Variants in NRF1 observed in about 807,000 individuals in gnomAD.
NRF1 encodes alpha palindromic-binding protein.
NRF1 carries 5 observed loss-of-function variants against 58.5 expected under a neutral mutation model. The ratio of observed to expected loss-of-function variants is 0.09; its 90% CI spans 0.04 to 0.18. The LOEUF (loss-of-function observed/expected upper bound fraction) is 0.18. Among genes scored for constraint, NRF1 ranks in the 10% least tolerant of loss-of-function variants. NRF1 has a pLI of 1.00. For synonymous variants in NRF1, 224 were observed against 246.7 expected (o/e 0.91, Z 0.86); for missense variants, 288 against 657.7 (o/e 0.44, Z 6.15).
At chr7:129,613,610 C>T (rs764250629) in intron 1 of NRF1, among the ~76,000 whole-genome samples, 1 of 151,946 alleles carries the variant, frequency 6.6e-6, no homozygotes, top group East Asian at 1.9e-4. Flanking sequence ...TAAGAAAACT[C>T]TTTACGGCCG....
In NRF1 at chr7:129,704,655, T is replaced by C. The variant is rs186451322; in HGVS notation, c.607-4420T>C. 6.5e-3 allele frequency among the ~76,000 whole-genome samples: 989 copies of C among 152,314 alleles called. 15 individuals are homozygous for C. The highest frequency in any genetic ancestry group is 0.023 in the African/African-American group (955 of 41,566). The stretch of plus-strand genomic sequence containing the variant: ...AGATATCTTGGGGATAGGACCACAA[T>C]CTAAACACAGAATTTATTTGTGTTT... On this transcript the variant is annotated intron_variant, in intron 5 of 10. Transcript: ENST00000393232.
intron 4 of NRF1, among the ~76,000 whole-genome samples, chr7:129,688,610 A>C (rs1287831825): frequency 6.6e-6 from 1 of 152,176 alleles, no homozygotes; most frequent in Admixed American, 6.6e-5. Flanking sequence ...ACAGTTCCAC[A>C]TGGCTAGGGA....
intron 1 of NRF1, among the ~76,000 whole-genome samples, chr7:129,618,043 G>C (rs1196640380): frequency 6.6e-6 from 1 of 152,152 alleles, no homozygotes; most frequent in Non-Finnish European, 1.5e-5. Context: ...ATCCACTATG[G>C]TTTTTAAAAA....
intron 3 of NRF1, among the ~76,000 whole-genome samples, 191 bp from the exon 4 acceptor site, chr7:129,677,441 C>T (rs1359888198): frequency 2.6e-5 from 4 of 152,158 alleles, no homozygotes; most frequent in Non-Finnish European, 5.9e-5. Flanking sequence ...AGCCTTCTAT[C>T]AGTAGTCTTT....
chr7:129,672,967 TTTAGAGG>T (rs1463682056), intron 3 of NRF1, among the ~76,000 whole-genome samples: 1 of 152,014 alleles, frequency 6.6e-6, no homozygotes, highest in Non-Finnish European at 1.5e-5. Flanking sequence ...CACTCCACCT[TTTAGAGG>T]TTAGAGAGAT....
At chr7:129,661,394 C>T (rs1446019675) in intron 2 of NRF1, among the ~76,000 whole-genome samples, 1 of 151,228 alleles carries the variant, frequency 6.6e-6, no homozygotes, top group Non-Finnish European at 1.5e-5. Flanking sequence ...TATCAGGCTG[C>T]AAATTTTCCA....
At chr7:129,694,451 G>A (rs189176699) in intron 5 of NRF1, among the ~76,000 whole-genome samples, 9 of 152,078 alleles carry the variant, frequency 5.9e-5, no homozygotes, top group Admixed American at 5.2e-4. Flanking sequence ...TGCAACCTCC[G>A]CCTTCCAGAT....
chr7:129,724,482 A>G (rs964634890), intron 9 of NRF1, among the ~76,000 whole-genome samples: 3 of 152,260 alleles, frequency 2.0e-5, no homozygotes, highest in African/African-American at 7.2e-5. Context: ...TAATTCATCA[A>G]AAAGTTAAAA....
intron 8 of NRF1, among the ~76,000 whole-genome samples, chr7:129,713,093 CTTTT>C (rs536331873): frequency 3.8e-5 from 5 of 130,170 alleles, no homozygotes; most frequent in African/African-American, 1.4e-4. Flanking sequence ...GTTGCGTTTC[CTTTT>C]TTTTTTTTTT....
At chr7:129,738,581 A>G (rs757103351) in intron 10 of NRF1, among the ~76,000 whole-genome samples, 1 of 152,220 alleles carries the variant, frequency 6.6e-6, no homozygotes, top group Non-Finnish European at 1.5e-5. Flanking sequence ...CCTTTTGGCT[A>G]TACACATTGA....
At chr7:129,736,274 ATTTTT>A (rs61690883) in intron 10 of NRF1, among the ~76,000 whole-genome samples, 5 of 97,956 alleles carry the variant, frequency 5.1e-5, no homozygotes, top group Non-Finnish European at 8.4e-5. Flanking sequence ...GCTCAATAGA[ATTTTT>A]TTTTTTTTTT....
intron 1 of NRF1, among the ~76,000 whole-genome samples, chr7:129,617,150 G>A (rs945612650): frequency 6.6e-6 from 1 of 152,166 alleles, no homozygotes; most frequent in Non-Finnish European, 1.5e-5. Flanking sequence ...TGCCTGTTGG[G>A]ATAAACTATG....
At chr7:129,669,974 A>G (rs369435699) in intron 2 of NRF1, among the ~76,000 whole-genome samples, 12 of 152,322 alleles carry the variant, frequency 7.9e-5, no homozygotes, top group South Asian at 2.1e-4. Flanking sequence ...GCTAAAGCAA[A>G]TGTGATCTGT....
chr7:129,737,252 C>G (rs1187096392), intron 10 of NRF1, among the ~76,000 whole-genome samples: 1 of 152,174 alleles, frequency 6.6e-6, no homozygotes, highest in African/African-American at 2.4e-5. Context: ...TTTCTGTAAC[C>G]TTGACTGAAG....
At chr7:129,688,696 G>A (rs1037871130) in intron 4 of NRF1, among the ~76,000 whole-genome samples, 14 of 151,358 alleles carry the variant, frequency 9.2e-5, no homozygotes, top group Non-Finnish European at 1.3e-4. Flanking sequence ...GAGAGACAGA[G>A]AGAGAGACAA....
chr7:129,722,828 A>C (rs1803359876), intron 9 of NRF1, among the ~76,000 whole-genome samples: 1 of 152,178 alleles, frequency 6.6e-6, no homozygotes, highest in Admixed American at 6.5e-5. Context: ...TTCAGGATGT[A>C]CAGGAGTGGC....
intron 9 of NRF1, among the ~76,000 whole-genome samples, chr7:129,725,466 T>A (rs1803430231): frequency 1.3e-5 from 2 of 152,088 alleles, no homozygotes; most frequent in Non-Finnish European, 2.9e-5. Context: ...TAGCTGGGAT[T>A]ACAGGCATGC....
intron 9 of NRF1, 48 bp from the exon 10 acceptor site, chr7:129,727,193 G>A: frequency 6.5e-7 from 1 of 1,530,606 alleles, no homozygotes; most frequent in Non-Finnish European, 8.7e-7. Context: ...CTTGGCTGCA[G>A]TGCTGTTCCT....
chr7:129,625,072 C>T (rs1349968377), intron 1 of NRF1, among the ~76,000 whole-genome samples: 6 of 152,198 alleles, frequency 3.9e-5, no homozygotes, highest in African/African-American at 9.6e-5. Flanking sequence ...CACAGGGTGG[C>T]GCTCCCTCAG....
Sources: allele counts gnomAD v4.1 joint callset (sites outside exome capture counted in the v4.1 genomes callset), GRCh38; gene constraint gnomAD v4.1.1; transcripts MANE v1.5; gene names NCBI Gene and HGNC (gene_info 2026-07-23, HGNC 2026-07-21).